CYP2B6: variants seen among roughly 807,000 people sequenced by gnomAD.
CYP2B6 encodes cytochrome P450 2B6.
Under a neutral mutation model 43.4 loss-of-function variants are expected in CYP2B6, and 35 were observed. The observed-to-expected ratio is 0.81, with a 90% CI of 0.62 to 1.07. The LOEUF (loss-of-function observed/expected upper bound fraction) is 1.07. Among genes scored for constraint, CYP2B6 ranks in the 50% least tolerant of loss-of-function variants. CYP2B6 has a pLI of 0.00. For missense variants in CYP2B6, 624 were observed against 632.8 expected (o/e 0.99, Z 0.15); for synonymous variants, 239 against 239.2 (o/e 1.00, Z 0.01).
chr19:40,995,606 A>G (rs1230178839), intron 1 of CYP2B6, among the ~76,000 whole-genome samples: 1 of 152,232 alleles, frequency 6.6e-6, no homozygotes, highest in Non-Finnish European at 1.5e-5. Flanking sequence ...ATAGCCTTGC[A>G]TTATTGAGTC....
At chr19:41,012,039 C>A (rs1170547518) in intron 6 of CYP2B6, among the ~76,000 whole-genome samples, 1 of 152,138 alleles carries the variant, frequency 6.6e-6, no homozygotes, top group Non-Finnish European at 1.5e-5. Context: ...ACCTCCACCT[C>A]CTGGGTTCAA....
chr19:40,994,539 G>A (rs1449286923), intron 1 of CYP2B6, among the ~76,000 whole-genome samples: 4 of 152,038 alleles, frequency 2.6e-5, no homozygotes, highest in African/African-American at 7.3e-5. Context: ...TTGGGGTCGT[G>A]CTATGTTGAA....
At chr19:41,010,401 G>GTGTTTTTTTTTTTTT (rs1969263167) in intron 6 of CYP2B6, among the ~76,000 whole-genome samples, 1 of 145,830 alleles carries the variant, frequency 6.9e-6, no homozygotes, top group African/African-American at 2.6e-5. Flanking sequence ...TTTGTTTTTT[G>GTGTTTTTTTTTTTTT]TTTTTTGGTT....
chr19:40,994,946 C>T (rs1256295263), intron 1 of CYP2B6, among the ~76,000 whole-genome samples: 1 of 152,074 alleles, frequency 6.6e-6, no homozygotes, highest in African/African-American at 2.4e-5. Flanking sequence ...GGGTGATTCT[C>T]ATTGGGAACA....
intron 8 of CYP2B6, among the ~76,000 whole-genome samples, chr19:41,014,120 C>T (rs1969325670): frequency 6.6e-6 from 1 of 152,126 alleles, no homozygotes; most frequent in South Asian, 2.1e-4. Flanking sequence ...CCATGAAAGG[C>T]CCCAGAAACA....
chr19:41,006,934 C>T lies in CYP2B6; in HGVS notation c.514C>T (p.Gln172Ter). 1.2e-6 allele frequency: 2 copies of T among 1,613,972 alleles called. No individual in the cohort carries two copies. Among genetic ancestry groups the T allele is most frequent in the Non-Finnish European group, 1.7e-6 (2 of 1,180,020 alleles). Residue 172 changes from glutamine (Q) to a stop codon, truncating the protein, a stop_gained, in exon 4 of 9, where the codon CAG (glutamine) becomes TAG (stop). Transcript: ENST00000324071. LOFTEE classifies it high-confidence loss of function. ...CCTCATGGACCCCACCTTCCTCTTC[C>T]AGTCCATTACCGCCAACATCATCTG... ...GALMDPTFLFQSITANIICSI... is the reference protein window; with the variant it reads ...GALMDPTFLF
Position 40,997,971 on chromosome 19 carries a change from A to T in CYP2B6, c.172-6030A>T, listed in dbSNP as rs138903679. Among the ~76,000 whole-genome samples the T allele has an allele frequency of 2.9e-3, 440 of 152,154 alleles. 3 individuals are homozygous for T. Among genetic ancestry groups the T allele is most frequent in the African/African-American group, 0.01 (418 of 41,472 alleles). On this transcript the variant is annotated intron_variant, in intron 1 of 8. Coordinates refer to ENST00000324071, the MANE Select transcript of CYP2B6 (RefSeq NM_000767.5). ...TAAAAATTTAGCCAGGCATGGTGGC[A>T]TGTGCCTGTAGTCCCAGCTACTTGG...
intron 4 of CYP2B6, chr19:41,007,398 G>A (rs1599848233): frequency 9.2e-6 from 3 of 325,640 alleles, no homozygotes; most frequent in Admixed American, 8.9e-5. Context: ...GTGAAAGAGA[G>A]GGAGAGAGAG....
At chr19:41,016,602 T>C (rs913613457) in intron 8 of CYP2B6, 44 bp from the exon 9 acceptor site, 6 of 1,604,250 alleles carry the variant, frequency 3.7e-6, no homozygotes, top group Non-Finnish European at 5.1e-6. Flanking sequence ...GCGAAGTGTA[T>C]GCACCTGCCC....
At chr19:41,007,277 G>C (rs1281624409) in intron 4 of CYP2B6, 1 of 578,796 alleles carries the variant, frequency 1.7e-6, no homozygotes, top group African/African-American at 1.9e-5. Context: ...GGCGTGATGG[G>C]GAGGCAGAAA....
At chr19:41,001,201 A>T (rs1220598989) in intron 1 of CYP2B6, among the ~76,000 whole-genome samples, 1 of 152,142 alleles carries the variant, frequency 6.6e-6, no homozygotes, top group Admixed American at 6.5e-5. Context: ...GCTGCTTAAC[A>T]ATTTGTGGAT....
rs1568565011 is a variant in CYP2B6 at position 41,016,970 on chromosome 19, G to A, written c.*143G>A. 7.8e-6 allele frequency: 6 copies of A among 771,780 alleles called. No individual in the cohort carries two copies. Among genetic ancestry groups the A allele is most frequent in the Non-Finnish European group, 1.0e-5 (5 of 482,218 alleles). The allele number at this position is 771,780 out of a possible 1,614,324, so 47.8% of individuals were successfully genotyped here. A position where few individuals can be genotyped will look rare whatever the true frequency, so the allele number is the denominator to read the frequency against. On this transcript the variant is annotated 3_prime_UTR_variant, in exon 9 of 9. Coordinates refer to ENST00000324071, the MANE Select transcript of CYP2B6 (RefSeq NM_000767.5). ...TTCCTTCCCCTCCATGGCACCAGTT[G>A]TCTGAGGTCACATTGCAAGTGAGTG...
Position 41,017,652 on chromosome 19 carries a change from G to A in CYP2B6, c.*825G>A, listed in dbSNP as rs1969390988. 1 of 151,764 alleles carries A rather than the reference G, an allele frequency of 6.6e-6. No homozygotes were observed. The highest frequency in any genetic ancestry group is 2.1e-4 in the South Asian group (1 of 4,786). The allele number at this position is 151,764 out of a possible 1,614,324, so 9.4% of individuals were successfully genotyped here. A position where few individuals can be genotyped will look rare whatever the true frequency, so the allele number is the denominator to read the frequency against. ...GCCTGGCTAAATTTTGTATTTTTAG[G>A]TGGTCTTGAACTCCTGATGTCAGGT... On this transcript the variant is annotated 3_prime_UTR_variant, in exon 9 of 9. Transcript: ENST00000324071.
rs142421637 is a variant in CYP2B6, at chr19:41,004,154, C to T, written c.325C>T (p.Arg109Trp). ...AATCGCCATGGTCGACCCATTCTTCCGGGGATATGGTGAGAGCCTCAGAGG... is the reference window on the plus strand; with the variant it reads ...AATCGCCATGGTCGACCCATTCTTCTGGGGATATGGTGAGAGCCTCAGAGG... ...GKIAMVDPFF[R>W]GYGVIFANGN... The change falls in exon 2 of 9, where the codon CGG becomes TGG. Residue 109 changes from arginine (R) to tryptophan (W), a missense_variant. By Grantham distance (101) the Arg-to-Trp change is moderately radical. Transcript: ENST00000324071. 113 of 1,079,420 alleles carry T rather than the reference C, an allele frequency of 1.0e-4. No homozygotes were observed. In the African/African-American group the frequency reaches 2.1e-3, roughly 20 times the overall value. The allele number at this position is 1,079,420 out of a possible 1,614,324, so 66.9% of individuals were successfully genotyped here. A position where few individuals can be genotyped will look rare whatever the true frequency, so the allele number is the denominator to read the frequency against.
chr19:40,994,700 A>G (rs1968975085), intron 1 of CYP2B6, among the ~76,000 whole-genome samples: 1 of 152,142 alleles, frequency 6.6e-6, no homozygotes, highest in Non-Finnish European at 1.5e-5. Context: ...CAGGTCTTGC[A>G]TACGGGATGC....
chr19:41,016,258 G>A (rs139508439), intron 8 of CYP2B6, among the ~76,000 whole-genome samples: 62 of 152,048 alleles, frequency 4.1e-4, no homozygotes, highest in East Asian at 3.3e-3. Context: ...TTAGCCAGGC[G>A]TGGTGGCAGG....
intron 6 of CYP2B6, 64 bp downstream of exon 6, chr19:41,010,199 T>C (rs1969259258): frequency 3.1e-6 from 5 of 1,589,700 alleles, no homozygotes; most frequent in Non-Finnish European, 4.3e-6. Flanking sequence ...GAAATGGGGC[T>C]ATGGGTACCA....
chr19:41,006,940 A>G lies in CYP2B6; in HGVS notation c.520A>G (p.Ile174Val). ...LMDPTFLFQS[I>V]TANIICSIVF... ...GGACCCCACCTTCCTCTTCCAGTCC[A>G]TTACCGCCAACATCATCTGCTCCAT... Residue 174 changes from isoleucine (I) to valine (V), a missense_variant, in exon 4 of 9, where the codon ATT (isoleucine) becomes GTT (valine). Ile to Val is a conservative substitution (Grantham distance 29). Coordinates refer to ENST00000324071, the MANE Select transcript of CYP2B6 (RefSeq NM_000767.5). 2 of 1,613,928 alleles carry G rather than the reference A, an allele frequency of 1.2e-6. No individual in the cohort carries two copies. Among genetic ancestry groups the G allele is most frequent in the East Asian group, 2.2e-5 (1 of 44,866 alleles).
At chr19:41,015,999 T>TACACACAC (rs113314890) in intron 8 of CYP2B6, among the ~76,000 whole-genome samples, 62,489 of 149,620 alleles carry the variant, frequency 0.42, 13,139 homozygotes, top group African/African-American at 0.52. Flanking sequence ...CATGTACAGG[T>TACACACAC]ACACACACAC....
Sources: gnomAD v4.1 joint callset for allele counts (sites outside exome capture counted in the v4.1 genomes callset) on GRCh38, gnomAD v4.1.1 for gene constraint, MANE v1.5 for transcripts, NCBI Gene and HGNC (gene_info 2026-07-23, HGNC 2026-07-21) for gene names.